Variants in SHC3 observed in about 807,000 individuals in gnomAD.
The protein encoded by SHC3 is SHC-transforming protein 3.
SHC3 carries 15 observed loss-of-function variants against 60.4 expected under a neutral mutation model. The ratio of observed to expected loss-of-function variants is 0.25; its 90% CI spans 0.17 to 0.38. The LOEUF is 0.38. Ranked by LOEUF, SHC3 falls within the 10% of genes least tolerant of loss-of-function variation. The pLI is 1.00. For missense variants in SHC3, 677 were observed against 786.1 expected, an observed-to-expected ratio of 0.86 and a Z score of 1.66; for synonymous variants, 294 against 325.9, an observed-to-expected ratio of 0.90 and a Z score of 1.05.
At chr9:89,105,394 C>T (rs1825843973) in intron 2 of SHC3, among the ~76,000 whole-genome samples, 1 of 152,162 alleles carries the variant, frequency 6.6e-6, no homozygotes, top group South Asian at 2.1e-4. Context: ...ACACAATCTG[C>T]CTCCCAAGGT....
rs1788608001 is a variant in SHC3, at chr9:89,006,441, A to G, written c.*7006T>C. On this transcript the variant is annotated 3_prime_UTR_variant, in exon 12 of 12. Transcript: ENST00000375835. ...AATTCGTTTTGCATTTCCACTCCTC[A>G]GGGATGTCAAAAAAGCCAGTTCTGT... is the stretch of plus-strand genomic sequence containing the variant. 6.6e-6 allele frequency: 1 copy of G among 152,266 alleles called. No individual in the cohort carries two copies. Among genetic ancestry groups the G allele is most frequent in the Non-Finnish European group, 1.5e-5 (1 of 68,048 alleles). The allele number at this position is 152,266 out of a possible 1,614,324, so 9.4% of individuals were successfully genotyped here. A position where few individuals can be genotyped will look rare whatever the true frequency, so the allele number is the denominator to read the frequency against.
At chr9:89,013,683 A>AG (rs543339277) in intron 11 of SHC3, 108 bp from the exon 12 acceptor site, 247 of 1,458,646 alleles carry the variant, frequency 1.7e-4, no homozygotes, top group African/African-American at 1.2e-3. Context: ...GAAGGAAAGG[A>AG]GGGGGGGACA....
intron 10 of SHC3, 88 bp from the exon 11 acceptor site, chr9:89,038,376 T>C: frequency 7.2e-7 from 1 of 1,381,738 alleles, no homozygotes; most frequent in Non-Finnish European, 9.6e-7. Context: ...GTGAGAGAGA[T>C]GGAAATGCAA....
chr9:89,174,066 T>C (rs1446227958), intron 1 of SHC3, among the ~76,000 whole-genome samples: 1 of 152,162 alleles, frequency 6.6e-6, no homozygotes, highest in African/African-American at 2.4e-5. Context: ...ATAACTTTTG[T>C]ATGATCTTTG....
At chr9:89,177,607 G>A (rs991533689) in intron 1 of SHC3, among the ~76,000 whole-genome samples, 11 of 152,202 alleles carry the variant, frequency 7.2e-5, no homozygotes, top group Non-Finnish European at 1.3e-4. Context: ...CCCGGGGGCT[G>A]CCCAGCTCTC....
chr9:89,052,277 T>A (rs1013336377), intron 6 of SHC3, 114 bp from the exon 7 acceptor site: 2 of 1,321,508 alleles, frequency 1.5e-6, no homozygotes, highest in Admixed American at 2.3e-5. Flanking sequence ...GCTTCTTCCA[T>A]AATATGTCCT....
At position 89,013,384 on chromosome 9, in the gene SHC3, G is replaced by C. The variant is rs971683918; in HGVS notation, c.*63C>G. On this transcript the variant is annotated 3_prime_UTR_variant, in exon 12 of 12. Coordinates refer to ENST00000375835, the MANE Select transcript of SHC3 (RefSeq NM_016848.6). ...CAGCTGTCCCAGTTCCAGCAGCCCCGATTCTAGTCCACTCCAGGTCCTCCT... is the reference window on the plus strand; with the variant it reads ...CAGCTGTCCCAGTTCCAGCAGCCCCCATTCTAGTCCACTCCAGGTCCTCCT... 7.1e-7 allele frequency: 1 copy of C among 1,406,838 alleles called. No homozygotes were observed. The highest frequency in any genetic ancestry group is 2.5e-5 in the Admixed American group (1 of 39,622). The allele number at this position is 1,406,838 out of a possible 1,614,324, so 87.1% of individuals were successfully genotyped here. A position where few individuals can be genotyped will look rare whatever the true frequency, so the allele number is the denominator to read the frequency against.
intron 1 of SHC3, among the ~76,000 whole-genome samples, chr9:89,176,487 T>C (rs1445785746): frequency 6.6e-6 from 1 of 152,216 alleles, no homozygotes; most frequent in Non-Finnish European, 1.5e-5. Flanking sequence ...CCAAGGTCTA[T>C]TTGTCTATTT....
In SHC3 at chr9:89,052,090, G is replaced by T. The variant is rs1319436785; in HGVS notation, c.909C>A (p.Leu303=). The part of the protein sequence containing the change: ...VIGSIGQAFE[L]RFKQYLQCPT... ...GACACTGTAAATATTGCTTAAACCG[G>T]AGCTCAAAGGCTTGTCCGATGGAGC... The change falls in exon 7 of 12, where the codon CTC becomes CTA. Residue 303 remains leucine, a synonymous_variant. Coordinates refer to ENST00000375835, the MANE Select transcript of SHC3 (RefSeq NM_016848.6). 4.3e-6 allele frequency: 7 copies of T among 1,613,974 alleles called. No homozygotes were observed. Among genetic ancestry groups the T allele is most frequent in the African/African-American group, 1.3e-5 (1 of 74,912 alleles).
At chr9:89,124,264 T>C (rs533369339) in intron 1 of SHC3, among the ~76,000 whole-genome samples, 1 of 152,180 alleles carries the variant, frequency 6.6e-6, no homozygotes, top group African/African-American at 2.4e-5. Flanking sequence ...AGTTCAGCCA[T>C]TGTGGAAGAG....
intron 1 of SHC3, among the ~76,000 whole-genome samples, chr9:89,132,091 C>G (rs1489644196): frequency 6.6e-6 from 1 of 152,126 alleles, no homozygotes; most frequent in African/African-American, 2.4e-5. Context: ...GTGCAAAAAT[C>G]ACAAGCATTC....
chr9:89,020,325 C>T (rs748808810), intron 11 of SHC3, among the ~76,000 whole-genome samples: 6 of 151,844 alleles, frequency 4.0e-5, no homozygotes, highest in Non-Finnish European at 7.4e-5. Flanking sequence ...TGAGAGGCAG[C>T]AGGGCAGGGA....
intron 11 of SHC3, among the ~76,000 whole-genome samples, chr9:89,029,507 A>C (rs1824437137): frequency 6.6e-6 from 1 of 152,234 alleles, no homozygotes; most frequent in Non-Finnish European, 1.5e-5. Context: ...ATTTATGCTC[A>C]TGCACCTCTT....
At chr9:89,112,694 C>A in intron 1 of SHC3, 68 bp from the exon 2 acceptor site, 2 of 1,403,974 alleles carry the variant, frequency 1.4e-6, no homozygotes, top group South Asian at 1.4e-5. Context: ...CCTAACTATA[C>A]AAGGGCATTT....
chr9:89,035,025 T>A (rs1564088241), intron 11 of SHC3, among the ~76,000 whole-genome samples: 1 of 152,244 alleles, frequency 6.6e-6, no homozygotes, highest in East Asian at 1.9e-4. Flanking sequence ...CAGCTGTAAA[T>A]CATGTGCTTA....
chr9:89,058,169 C>A (rs987953535), intron 6 of SHC3, among the ~76,000 whole-genome samples: 1 of 152,050 alleles, frequency 6.6e-6, no homozygotes, highest in Admixed American at 6.5e-5. Context: ...AGGAAATGAA[C>A]ACAGCAAGGA....
chr9:89,113,340 T>C (rs562290072), intron 1 of SHC3, among the ~76,000 whole-genome samples: 1 of 152,186 alleles, frequency 6.6e-6, no homozygotes, highest in East Asian at 1.9e-4. Context: ...TCCAAAGCCT[T>C]TGGGGAGTTT....
At chr9:89,112,971 A>T (rs888955670) in intron 1 of SHC3, among the ~76,000 whole-genome samples, 7 of 152,168 alleles carry the variant, frequency 4.6e-5, no homozygotes, top group Admixed American at 2.0e-4. Context: ...TTAAACATAT[A>T]TTTGCCATGA....
chr9:89,098,808 C>CAAAA (rs35983816), intron 2 of SHC3, among the ~76,000 whole-genome samples: 1 of 130,670 alleles, frequency 7.7e-6, no homozygotes. Context: ...GACCCCATCT[C>CAAAA]AAAAAAAAAA....
Sources: gnomAD v4.1 joint callset for allele counts (sites outside exome capture counted in the v4.1 genomes callset) on GRCh38, gnomAD v4.1.1 for gene constraint, MANE v1.5 for transcripts, NCBI Gene and HGNC (gene_info 2026-07-23, HGNC 2026-07-21) for gene names.